The following CTNNBIP1 variants were observed in gnomAD, a reference collection of about 807,000 sequenced individuals.
CTNNBIP1 encodes beta-catenin-interacting protein 1.
In CTNNBIP1, 7 loss-of-function variants were observed where a neutral mutation model predicts 11.8. That is an observed-to-expected ratio of 0.60 (90% CI 0.34 to 1.12). CTNNBIP1 has a LOEUF of 1.12. CTNNBIP1 is among the 50% of genes most tolerant of loss of function. The pLI, the probability that CTNNBIP1 is intolerant of heterozygous loss-of-function variation, is 0.03. For missense variants in CTNNBIP1, 101 were observed against 113.4 expected (o/e 0.89, Z 0.50); for synonymous variants, 58 against 43.9 (o/e 1.32, Z -1.26).
Position 9,852,239 on chromosome 1 carries a change from G to A in CTNNBIP1, c.188-1463C>T, listed in dbSNP as rs190116154. Among the ~76,000 whole-genome samples, 11 of 152,296 alleles carry A rather than the reference G, an allele frequency of 7.2e-5. No homozygotes were observed. In the East Asian group the frequency reaches 1.5e-3, roughly 21 times the overall value. On this transcript the variant is annotated intron_variant, in intron 5 of 5. Transcript: ENST00000377263. ...ACTGCTCTACCAAGAGAGGGAGGAC[G>A]CACCCAGCTGTCGGGAGGGCCAGAG...
intron 5 of CTNNBIP1, among the ~76,000 whole-genome samples, chr1:9,854,192 T>C (rs571804242): frequency 1.3e-5 from 2 of 152,192 alleles, no homozygotes; most frequent in African/African-American, 4.8e-5. Flanking sequence ...CTGACCAACA[T>C]GGTGAAACCC....
chr1:9,851,342 C>CTTCTTT lies in CTNNBIP1; in HGVS notation c.188-572_188-567dup, dbSNP rs890456340. On this transcript the variant is annotated intron_variant, in intron 5 of 5. Transcript: ENST00000377263. This position sits in a 1 kb window ranked among gnomAD's most constrained non-coding sequence, Gnocchi z 4.8. ...GACTGAGACAGATATGCCCACAATC[C>CTTCTTT]TTCTTTTTCTTTTTCTTTTTCCTTT... Among the ~76,000 whole-genome samples the CTTCTTT allele has an allele frequency of 2.0e-5, 3 of 152,050 alleles. No homozygotes were observed. The highest frequency in any genetic ancestry group is 2.9e-5 in the Non-Finnish European group (2 of 68,030).
At chr1:9,854,402 A>G (rs1355042906) in intron 5 of CTNNBIP1, among the ~76,000 whole-genome samples, 1 of 151,480 alleles carries the variant, frequency 6.6e-6, no homozygotes, top group African/African-American at 2.4e-5. Context: ...TCAACAAACT[A>G]GAAGAGAACA....
chr1:9,868,643 T>G (rs531873799), intron 5 of CTNNBIP1, among the ~76,000 whole-genome samples: 3 of 152,350 alleles, frequency 2.0e-5, no homozygotes, highest in African/African-American at 7.2e-5. Context: ...ATTATTATTT[T>G]TTGAGACAGA....
At position 9,908,500 on chromosome 1, in the gene CTNNBIP1, G is replaced by A. The variant is rs146942646; in HGVS notation, c.-144+1595C>T. The stretch of plus-strand genomic sequence containing the variant: ...GCCATTCTCCTGCCTCAGCCTCTCC[G>A]AGTAGCTGGGACTACAGGTGCCCAC... On this transcript the variant is annotated intron_variant, in intron 1 of 5. Transcript: ENST00000377263. Among the ~76,000 whole-genome samples the A allele has an allele frequency of 5.8e-3, 865 of 149,032 alleles. 3 individuals are homozygous for A. Among genetic ancestry groups the A allele is most frequent in the African/African-American group, 0.02 (823 of 40,350 alleles).
chr1:9,876,395 T>A (rs564676938), intron 3 of CTNNBIP1, among the ~76,000 whole-genome samples: 26 of 152,284 alleles, frequency 1.7e-4, no homozygotes, highest in African/African-American at 6.3e-4. Context: ...GGCGGGCAGA[T>A]CACCTGAGGT....
intron 1 of CTNNBIP1, among the ~76,000 whole-genome samples, chr1:9,904,492 C>T (rs2101548662): frequency 6.6e-6 from 1 of 152,210 alleles, no homozygotes; most frequent in East Asian, 1.9e-4. Context: ...TGAAAGACAA[C>T]CAATGCTTTC....
At chr1:9,863,534 C>A (rs996612853) in intron 5 of CTNNBIP1, among the ~76,000 whole-genome samples, 1 of 152,216 alleles carries the variant, frequency 6.6e-6, no homozygotes, top group African/African-American at 2.4e-5. Context: ...CCGGCTGCCC[C>A]CAAGGAGGAG....
At chr1:9,905,628 C>T (rs1413362585) in intron 1 of CTNNBIP1, among the ~76,000 whole-genome samples, 4 of 150,922 alleles carry the variant, frequency 2.7e-5, no homozygotes, top group Non-Finnish European at 5.9e-5. Context: ...GACGGGGTTT[C>T]ACCATGTTAC....
intron 5 of CTNNBIP1, among the ~76,000 whole-genome samples, chr1:9,859,347 A>C (rs968228423): frequency 6.6e-6 from 1 of 152,148 alleles, no homozygotes; most frequent in Non-Finnish European, 1.5e-5. Flanking sequence ...GGGGAGAAAA[A>C]ATGACAAATA....
intron 2 of CTNNBIP1, 93 bp from the exon 3 acceptor site, chr1:9,878,082 A>T (rs2101496387): frequency 6.5e-6 from 1 of 152,708 alleles, no homozygotes; most frequent in Middle Eastern, 3.4e-3. Flanking sequence ...CATGCTGAGG[A>T]TGCACAACCG....
At position 9,848,295 on chromosome 1, in the gene CTNNBIP1, T is replaced by C. The variant is rs1388508101; in HGVS notation, c.*2423A>G. On this transcript the variant is annotated 3_prime_UTR_variant, in exon 6 of 6. Transcript: ENST00000377263. This position sits in a 1 kb window ranked among gnomAD's most constrained non-coding sequence, Gnocchi z 4.3. Reference sequence around the variant, plus strand: ...CACACGAACCTATGAAAATTCTTTATTGTTAATTTCTTTCTCCAACAGATA... The same window carrying C: ...CACACGAACCTATGAAAATTCTTTACTGTTAATTTCTTTCTCCAACAGATA... 6.6e-6 allele frequency: 1 copy of C among 152,230 alleles called. No homozygotes were observed. Among genetic ancestry groups the C allele is most frequent in the African/African-American group, 2.4e-5 (1 of 41,456 alleles). 9.4% of individuals were successfully genotyped at this position (152,230 alleles called of 1,614,324 possible).
chr1:9,865,203 T>C (rs1444002933), intron 5 of CTNNBIP1, among the ~76,000 whole-genome samples: 1 of 147,842 alleles, frequency 6.8e-6, no homozygotes, highest in African/African-American at 2.5e-5. Flanking sequence ...CACTCCAGCC[T>C]GGGCAACAGA....
At chr1:9,903,141 T>C (rs1639555516) in intron 1 of CTNNBIP1, among the ~76,000 whole-genome samples, 1 of 152,180 alleles carries the variant, frequency 6.6e-6, no homozygotes, top group Non-Finnish European at 1.5e-5. Context: ...AATAAAGCCT[T>C]AATAAATATT....
At chr1:9,904,187 A>G (rs979117921) in intron 1 of CTNNBIP1, among the ~76,000 whole-genome samples, 2 of 152,218 alleles carry the variant, frequency 1.3e-5, no homozygotes, top group Admixed American at 6.5e-5. Context: ...TACAGATGAC[A>G]TATGACTAGC....
rs924543370 is a variant in CTNNBIP1, at chr1:9,872,417, T to C, written c.-24-329A>G. Among the ~76,000 whole-genome samples, 2 of 152,188 alleles carry C rather than the reference T, an allele frequency of 1.3e-5. No homozygotes were observed. The highest frequency in any genetic ancestry group is 2.4e-5 in the African/African-American group (1 of 41,446). ...CCTGTGAATCACCCCAGAGCAAAGC[T>C]CCTGCTACAAGCCACAGGACACGTG... On this transcript the variant is annotated intron_variant, in intron 3 of 5. Transcript: ENST00000377263. The surrounding 1 kb of genome is among the most constrained non-coding windows in gnomAD (Gnocchi z 4.0).
chr1:9,854,482 CT>C (rs1041026334), intron 5 of CTNNBIP1, among the ~76,000 whole-genome samples: 19 of 152,024 alleles, frequency 1.2e-4, no homozygotes, highest in African/African-American at 4.6e-4. Flanking sequence ...AAAACTCTCC[CT>C]ACCAAGATTA....
At chr1:9,863,810 T>C (rs1045141049) in intron 5 of CTNNBIP1, among the ~76,000 whole-genome samples, 1 of 152,126 alleles carries the variant, frequency 6.6e-6, no homozygotes, top group Non-Finnish European at 1.5e-5. Flanking sequence ...AGGAAGAACT[T>C]TCCACACTGA....
chr1:9,900,629 G>C (rs1245084912), intron 1 of CTNNBIP1, among the ~76,000 whole-genome samples: 3 of 152,220 alleles, frequency 2.0e-5, no homozygotes, highest in Non-Finnish European at 2.9e-5. Context: ...CAGACCTCAG[G>C]AGGGAGGAAG....
Sources: gnomAD v4.1 joint callset for allele counts (sites outside exome capture counted in the v4.1 genomes callset) on GRCh38, gnomAD v4.1.1 for gene constraint, Gnocchi (gnomAD v3.1) non-coding constraint, MANE v1.5 for transcripts, NCBI Gene and HGNC (gene_info 2026-07-23, HGNC 2026-07-21) for gene names.